Variants in ARL15 observed in about 807,000 individuals in gnomAD.
ARL15 encodes ARF like GTPase 15.
In ARL15, 19 loss-of-function variants were observed where a neutral mutation model predicts 25.2. The ratio of observed to expected loss-of-function variants is 0.75; its 90% CI spans 0.53 to 1.10. The LOEUF (loss-of-function observed/expected upper bound fraction) is 1.10. Among genes scored for constraint, ARL15 ranks in the 50% least tolerant of loss-of-function variants. The pLI is 0.00. For missense variants in ARL15, 220 were observed against 246.0 expected (o/e 0.89, Z 0.71); for synonymous variants, 94 against 86.8 (o/e 1.08, Z -0.46).
At chr5:54,075,685 G>GC (rs1270955797) in intron 4 of ARL15, 20 of 151,934 alleles carry the variant, frequency 1.3e-4, no homozygotes, top group Non-Finnish European at 2.4e-4. Context: ...TGGGGTTTTG[G>GC]CATGTTGGCC....
At chr5:54,225,441 ACTTGCAAGAAGAGT>A (rs1184242548) in intron 1 of ARL15, among the ~76,000 whole-genome samples, 5 of 152,170 alleles carry the variant, frequency 3.3e-5, no homozygotes, top group Non-Finnish European at 7.3e-5. Flanking sequence ...GTCCTTGCCG[ACTTGCAAGAAGAGT>A]CCCAGCAGAA....
chr5:53,908,416 C>G (rs7733347), intron 4 of ARL15, among the ~76,000 whole-genome samples: 1 of 152,252 alleles, frequency 6.6e-6, no homozygotes, highest in East Asian at 1.9e-4. Flanking sequence ...TGACTAGTTA[C>G]GCAGCATTTA....
At chr5:53,997,578 C>A (rs1335779312) in intron 4 of ARL15, among the ~76,000 whole-genome samples, 2 of 152,056 alleles carry the variant, frequency 1.3e-5, no homozygotes, top group Non-Finnish European at 2.9e-5. Context: ...ATGAAAGGGA[C>A]CTTGGAGGTC....
chr5:54,175,770 A>T (rs1174899533), intron 1 of ARL15, among the ~76,000 whole-genome samples: 1 of 147,794 alleles, frequency 6.8e-6, no homozygotes, highest in African/African-American at 2.5e-5. Flanking sequence ...CTCCCACCTC[A>T]GCCTCCCGAG....
intron 4 of ARL15, among the ~76,000 whole-genome samples, chr5:53,989,748 T>C (rs543791259): frequency 4.6e-5 from 7 of 152,318 alleles, no homozygotes; most frequent in African/African-American, 1.7e-4. Flanking sequence ...ACCAAAAGCC[T>C]TATTTTGAAA....
At position 53,907,486 on chromosome 5, in the gene ARL15, A is replaced by ATT. The variant is rs1175615384; in HGVS notation, c.463-20774_463-20773insAA. On this transcript the variant is annotated intron_variant, in intron 4 of 4. Transcript: ENST00000504924. Reference sequence around the variant, plus strand: ...TATATATATATATATATATATATATATATTTTTTTTTTTTTTTTTTTTTTT... The same window carrying ATT: ...TATATATATATATATATATATATATATTTATTTTTTTTTTTTTTTTTTTTTTT... Among the ~76,000 whole-genome samples the ATT allele has an allele frequency of 2.9e-3, 66 of 22,452 alleles. 1 individual carries two copies. The highest frequency in any genetic ancestry group is 0.029 in the Middle Eastern group (1 of 34). The allele number at this position is 22,452 out of a possible 152,430, so 14.7% of individuals were successfully genotyped here.
chr5:54,152,322 C>G lies in ARL15; in HGVS notation c.253+2258G>C, dbSNP rs141240596. 6.3e-3 allele frequency among the ~76,000 whole-genome samples: 954 copies of G among 152,246 alleles called. 21 individuals are homozygous for G. The highest frequency in any genetic ancestry group is 5.4e-3 in the Admixed American group (82 of 15,292). On this transcript the variant is annotated intron_variant, in intron 3 of 4. Transcript: ENST00000504924. ...CCTTCATATCTAGCATACACGTTAACTCCTAGGAAAGCTACACTTTATACA... is the reference window on the plus strand; with the variant it reads ...CCTTCATATCTAGCATACACGTTAAGTCCTAGGAAAGCTACACTTTATACA...
At chr5:54,078,816 A>G (rs147971862) in intron 4 of ARL15, among the ~76,000 whole-genome samples, 1,757 of 152,342 alleles carry the variant, frequency 0.012, 9 homozygotes, top group Non-Finnish European at 0.018. Context: ...CTAAACCTTG[A>G]TAGCATAAAA....
At chr5:54,028,595 T>C (rs1335324040) in intron 4 of ARL15, among the ~76,000 whole-genome samples, 3 of 151,986 alleles carry the variant, frequency 2.0e-5, no homozygotes, top group African/African-American at 7.3e-5. Context: ...TTTTTACCAA[T>C]ATGTCAAAAG....
chr5:53,926,294 G>A (rs994986110), intron 4 of ARL15, among the ~76,000 whole-genome samples: 1 of 152,052 alleles, frequency 6.6e-6, no homozygotes, highest in African/African-American at 2.4e-5. Context: ...AGAAGTCAGG[G>A]CCATCTGGTG....
intron 1 of ARL15, among the ~76,000 whole-genome samples, chr5:54,251,470 C>T (rs561419270): frequency 1.1e-4 from 16 of 152,302 alleles, no homozygotes; most frequent in African/African-American, 3.8e-4. Flanking sequence ...ATTTCCACTG[C>T]AGCACCTAGG....
At chr5:54,042,789 G>C (rs1750382817) in intron 4 of ARL15, among the ~76,000 whole-genome samples, 1 of 152,168 alleles carries the variant, frequency 6.6e-6, no homozygotes, top group Non-Finnish European at 1.5e-5. Context: ...TTCCCTGAGA[G>C]TGCCTCGGGT....
chr5:54,014,373 AG>A lies in ARL15; in HGVS notation c.462+98828del, dbSNP rs531262199. ...TGCAGAAAAGAAGACCAAGAATGTA[AG>A]GACACCTGAGCAGACCCAAAGAGAA... On this transcript the variant is annotated intron_variant, in intron 4 of 4. Transcript: ENST00000504924. 5.4e-3 allele frequency among the ~76,000 whole-genome samples: 824 copies of A among 152,292 alleles called. 4 individuals are homozygous for A. Among genetic ancestry groups the A allele is most frequent in the Admixed American group, 0.011 (169 of 15,300 alleles).
intron 4 of ARL15, among the ~76,000 whole-genome samples, chr5:53,994,689 A>G (rs1373875475): frequency 6.6e-6 from 1 of 152,192 alleles, no homozygotes. Context: ...GTGAAGATGC[A>G]TTTAAAAACT....
intron 1 of ARL15, among the ~76,000 whole-genome samples, chr5:54,219,517 CAAAG>C (rs575405904): frequency 6.6e-6 from 1 of 152,124 alleles, no homozygotes; most frequent in Non-Finnish European, 1.5e-5. Context: ...ACAATCACTG[CAAAG>C]AAAGAGACAG....
At chr5:54,013,456 T>C (rs1254055524) in intron 4 of ARL15, among the ~76,000 whole-genome samples, 1 of 152,210 alleles carries the variant, frequency 6.6e-6, no homozygotes, top group African/African-American at 2.4e-5. Flanking sequence ...AGTTGCTCCC[T>C]AAAATTGACA....
intron 1 of ARL15, among the ~76,000 whole-genome samples, chr5:54,245,083 A>C (rs1757056122): frequency 6.6e-6 from 1 of 152,104 alleles, no homozygotes; most frequent in African/African-American, 2.4e-5. Flanking sequence ...ATTAACTTCA[A>C]TCTTCCCTCC....
At chr5:53,999,245 C>A (rs552324390) in intron 4 of ARL15, among the ~76,000 whole-genome samples, 1 of 152,168 alleles carries the variant, frequency 6.6e-6, no homozygotes, top group African/African-American at 2.4e-5. Context: ...ATGTGCAATG[C>A]TAAAATAAGC....
At chr5:53,990,470 C>G (rs991621659) in intron 4 of ARL15, among the ~76,000 whole-genome samples, 1 of 152,114 alleles carries the variant, frequency 6.6e-6, no homozygotes, top group Non-Finnish European at 1.5e-5. Flanking sequence ...TGCTAACAGC[C>G]TTACCAGGAT....
Sources: allele counts gnomAD v4.1 joint callset (sites outside exome capture counted in the v4.1 genomes callset), GRCh38; gene constraint gnomAD v4.1.1; transcripts MANE v1.5; gene names NCBI Gene and HGNC (gene_info 2026-07-23, HGNC 2026-07-21).